The following GABRB3 variants were observed in gnomAD, a reference collection of about 807,000 sequenced individuals.
GABRB3 encodes gamma-aminobutyric acid receptor subunit beta-3.
In GABRB3, 14 loss-of-function variants were observed where a neutral mutation model predicts 52.1. That is an observed-to-expected ratio of 0.27 (90% CI 0.18 to 0.42). The LOEUF is 0.42. Ranked by LOEUF, GABRB3 falls within the 10% of genes least tolerant of loss-of-function variation. The probability of loss-of-function intolerance (pLI) is 1.00; values close to 1 mark genes in which losing one functional copy is unlikely to be tolerated. For synonymous variants in GABRB3, 260 were observed against 232.3 expected (o/e 1.12, Z -1.08); for missense variants, 307 against 609.1 (o/e 0.50, Z 5.22).
At chr15:26,629,516 G>C (rs992677175) in intron 3 of GABRB3, among the ~76,000 whole-genome samples, 3 of 152,294 alleles carry the variant, frequency 2.0e-5, no homozygotes, top group African/African-American at 7.2e-5. Context: ...GAGGAGGAGG[G>C]GGTATTGGTG....
chr15:26,656,243 G>A (rs766637638), intron 3 of GABRB3, among the ~76,000 whole-genome samples: 20 of 152,132 alleles, frequency 1.3e-4, no homozygotes, highest in Non-Finnish European at 1.9e-4. Flanking sequence ...GCCAGTTGTC[G>A]TCTCTCATTT....
chr15:26,731,949 C>T (rs889910737), intron 3 of GABRB3, among the ~76,000 whole-genome samples: 9 of 152,224 alleles, frequency 5.9e-5, no homozygotes, highest in Non-Finnish European at 1.2e-4. Flanking sequence ...AGACCAGCTT[C>T]TCACAGATAG....
intron 4 of GABRB3, among the ~76,000 whole-genome samples, chr15:26,605,742 G>A (rs1891763928): frequency 6.6e-6 from 1 of 152,136 alleles, no homozygotes; most frequent in Admixed American, 6.6e-5. Flanking sequence ...AACTCACGGA[G>A]ATAGAGACTA....
chr15:26,576,801 G>T (rs1270816500), intron 6 of GABRB3, among the ~76,000 whole-genome samples: 1 of 152,136 alleles, frequency 6.6e-6, no homozygotes, highest in Non-Finnish European at 1.5e-5. Flanking sequence ...ACCTCCTACA[G>T]CTTGGGTTGG....
chr15:26,694,629 C>G (rs1321014767), intron 3 of GABRB3, among the ~76,000 whole-genome samples: 1 of 152,168 alleles, frequency 6.6e-6, no homozygotes, highest in Admixed American at 6.5e-5. Context: ...TTCTCTTTAT[C>G]CAATGCATCA....
chr15:26,675,037 T>G (rs1204123990), intron 3 of GABRB3, among the ~76,000 whole-genome samples: 1 of 152,180 alleles, frequency 6.6e-6, no homozygotes, highest in Non-Finnish European at 1.5e-5. Flanking sequence ...CTGATCAAGC[T>G]AGTGGGCCTT....
intron 3 of GABRB3, among the ~76,000 whole-genome samples, chr15:26,711,799 G>A (rs556879381): frequency 1.2e-4 from 19 of 152,320 alleles, no homozygotes; most frequent in South Asian, 2.1e-4. Context: ...AGTAGCGAAC[G>A]TAATGAAATA....
At chr15:26,745,493 A>G (rs946854099) in intron 3 of GABRB3, among the ~76,000 whole-genome samples, 2 of 152,106 alleles carry the variant, frequency 1.3e-5, no homozygotes, top group Admixed American at 6.5e-5. Context: ...GTGTGTATTC[A>G]TATGTGGGCA....
At chr15:26,742,081 G>A (rs1029859840) in intron 3 of GABRB3, among the ~76,000 whole-genome samples, 11 of 151,956 alleles carry the variant, frequency 7.2e-5, no homozygotes, top group South Asian at 2.1e-4. Flanking sequence ...ACTCCTACAC[G>A]ACATTTTTCA....
At chr15:26,599,232 G>A (rs1891499900) in intron 4 of GABRB3, among the ~76,000 whole-genome samples, 1 of 152,184 alleles carries the variant, frequency 6.6e-6, no homozygotes, top group Non-Finnish European at 1.5e-5. Context: ...CACCTGGTAA[G>A]GAAACTTCTA....
intron 3 of GABRB3, among the ~76,000 whole-genome samples, chr15:26,650,371 G>A (rs1190041336): frequency 6.6e-6 from 1 of 152,142 alleles, no homozygotes; most frequent in East Asian, 1.9e-4. Flanking sequence ...AACTGGGCTG[G>A]AGTGGGTGAT....
At chr15:26,612,398 T>C (rs527247110) in intron 4 of GABRB3, 2 of 152,314 alleles carry the variant, frequency 1.3e-5, no homozygotes, top group East Asian at 1.9e-4. Flanking sequence ...TAATTTTTGA[T>C]AGATGCATAC....
chr15:26,660,601 C>G (rs772496869), intron 3 of GABRB3, among the ~76,000 whole-genome samples: 3 of 152,180 alleles, frequency 2.0e-5, no homozygotes, highest in Non-Finnish European at 4.4e-5. Context: ...ACCACCACCA[C>G]ACAGCAGCCA....
At chr15:26,753,546 T>A (rs1890574874) in intron 3 of GABRB3, among the ~76,000 whole-genome samples, 1 of 152,252 alleles carries the variant, frequency 6.6e-6, no homozygotes, top group Non-Finnish European at 1.5e-5. Flanking sequence ...ACCTGGTTAT[T>A]GACTTTGGTC....
intron 3 of GABRB3, among the ~76,000 whole-genome samples, chr15:26,676,862 T>C (rs1044255935): frequency 6.6e-6 from 1 of 152,250 alleles, no homozygotes; most frequent in African/African-American, 2.4e-5. Flanking sequence ...ATATATATTT[T>C]TTCTTTGAAT....
chr15:26,718,849 C>T (rs1316140798), intron 3 of GABRB3, among the ~76,000 whole-genome samples: 1 of 151,686 alleles, frequency 6.6e-6, no homozygotes, highest in Non-Finnish European at 1.5e-5. Context: ...CCCTCTTGGG[C>T]TCAGCTCGCA....
chr15:26,772,664 G>A lies in GABRB3; in HGVS notation c.172+17C>T, dbSNP rs1891184871. The A allele has an allele frequency of 3.2e-6, 5 of 1,555,866 alleles. No individual in the cohort carries two copies. Among genetic ancestry groups the A allele is most frequent in the East Asian group, 2.6e-5 (1 of 39,016 alleles). On this transcript the variant is annotated intron_variant, in intron 2 of 8. Transcript: ENST00000311550. ...GTGGGTCGCGCTTCCCGCAACGGCCGCGCGCAGCCCACTTACCCCCGAAGT... is the reference window on the plus strand; with the variant it reads ...GTGGGTCGCGCTTCCCGCAACGGCCACGCGCAGCCCACTTACCCCCGAAGT...
chr15:26,617,001 G>A (rs545364912), intron 4 of GABRB3, among the ~76,000 whole-genome samples: 28 of 151,864 alleles, frequency 1.8e-4, no homozygotes, highest in Middle Eastern at 3.4e-3. Flanking sequence ...TTTATCCATC[G>A]ACACATACAC....
intron 4 of GABRB3, chr15:26,613,871 A>C (rs1283613540): frequency 6.6e-6 from 1 of 152,274 alleles, no homozygotes; most frequent in Non-Finnish European, 1.5e-5. Context: ...CAGCTGAGCA[A>C]TCCTTAGTTA....
Sources: gnomAD v4.1 joint callset for allele counts (sites outside exome capture counted in the v4.1 genomes callset) on GRCh38, gnomAD v4.1.1 for gene constraint, MANE v1.5 for transcripts, NCBI Gene and HGNC (gene_info 2026-07-23, HGNC 2026-07-21) for gene names.